The following TTC29 variants were observed in gnomAD, a reference collection of about 807,000 sequenced individuals.
The protein encoded by TTC29 is tetratricopeptide repeat domain 29, also known as tetratricopeptide repeat protein 29.
In TTC29, 49 loss-of-function variants were observed where a neutral mutation model predicts 58.1. The ratio of observed to expected loss-of-function variants is 0.84; its 90% confidence interval spans 0.67 to 1.07. The LOEUF is 1.07. TTC29 is among the 50% of genes least tolerant of loss of function. The pLI, the probability that TTC29 is intolerant of heterozygous loss-of-function variation, is 0.00. For synonymous variants in TTC29, 209 were observed against 196.8 expected, an observed-to-expected ratio of 1.06 and a Z score of -0.52; for missense variants, 582 against 555.6, an observed-to-expected ratio of 1.05 and a Z score of -0.48.
At chr4:146,734,144 A>G (rs1744544813) in intron 11 of TTC29, among the ~76,000 whole-genome samples, 1 of 152,182 alleles carries the variant, frequency 6.6e-6, no homozygotes, top group Non-Finnish European at 1.5e-5. Context: ...TTATTTCTAT[A>G]ATATGATTGA....
intron 9 of TTC29, among the ~76,000 whole-genome samples, chr4:146,821,967 C>T (rs2136364): frequency 2.1e-5 from 3 of 145,948 alleles, no homozygotes; most frequent in East Asian, 2.0e-4. Context: ...CACCTATCCT[C>T]GTAAGAACAT....
rs948634810 is a variant in TTC29, at chr4:146,796,960, T to G, written c.1330+6497A>C. ...CCCCAAAATACCCAGTATCAAAATA[T>G]ATCACCCACCCTTAGCCAGGTAAAG... is the stretch of plus-strand genomic sequence containing the variant. On this transcript the variant is annotated intron_variant, in intron 11 of 12. Transcript: ENST00000325106. Among the ~76,000 whole-genome samples, 41 of 152,128 alleles carry G rather than the reference T, an allele frequency of 2.7e-4. 1 individual carries two copies. Among genetic ancestry groups the G allele is most frequent in the African/African-American group, 9.9e-4 (41 of 41,492 alleles).
chr4:146,823,856 T>C (rs1345356260), intron 9 of TTC29, among the ~76,000 whole-genome samples: 2 of 152,214 alleles, frequency 1.3e-5, no homozygotes, highest in Non-Finnish European at 2.9e-5. Context: ...TTATTCTCTT[T>C]GTAGCAATTG....
chr4:146,931,851 C>T (rs904320309), intron 4 of TTC29, among the ~76,000 whole-genome samples: 5 of 151,992 alleles, frequency 3.3e-5, no homozygotes, highest in Non-Finnish European at 7.4e-5. Flanking sequence ...AATTTGAGAC[C>T]ATTTTTTTGT....
intron 10 of TTC29, among the ~76,000 whole-genome samples, chr4:146,812,117 C>T (rs1751065841): frequency 6.6e-6 from 1 of 151,876 alleles, no homozygotes; most frequent in Non-Finnish European, 1.5e-5. Context: ...ACAAATATTA[C>T]AAATATTGAA....
chr4:146,838,132 C>A (rs961212922), intron 8 of TTC29, among the ~76,000 whole-genome samples: 2 of 151,774 alleles, frequency 1.3e-5, no homozygotes, highest in Non-Finnish European at 1.5e-5. Context: ...ATCTTCTTAC[C>A]AAAATGAAAT....
chr4:146,827,677 T>A (rs1377882173), intron 9 of TTC29, among the ~76,000 whole-genome samples: 1 of 152,196 alleles, frequency 6.6e-6, no homozygotes, highest in Non-Finnish European at 1.5e-5. Context: ...CACAAGTGGC[T>A]GTGGGATTAA....
intron 11 of TTC29, among the ~76,000 whole-genome samples, chr4:146,727,500 A>G (rs909192134): frequency 1.3e-5 from 2 of 152,228 alleles, no homozygotes; most frequent in Non-Finnish European, 2.9e-5. Context: ...TGCTTTGCCA[A>G]TTAATCTTTC....
intron 11 of TTC29, among the ~76,000 whole-genome samples, chr4:146,710,243 ATTACTT>A (rs1742382845): frequency 1.3e-5 from 2 of 152,232 alleles, no homozygotes; most frequent in African/African-American, 4.8e-5. Context: ...ACTATAGCGT[ATTACTT>A]CTGGGCTATG....
chr4:146,729,703 C>T (rs144604029), intron 11 of TTC29, among the ~76,000 whole-genome samples: 215 of 152,102 alleles, frequency 1.4e-3, no homozygotes, highest in Non-Finnish European at 2.5e-3. Context: ...TTGGGGAGGC[C>T]TCAGGAAACT....
intron 11 of TTC29, among the ~76,000 whole-genome samples, chr4:146,737,560 T>C (rs1174199147): frequency 3.8e-5 from 5 of 131,878 alleles, no homozygotes; most frequent in African/African-American, 1.4e-4. Context: ...CCTGAACGCA[T>C]CTGGCAAGTG....
At position 146,831,707 on chromosome 4, in the gene TTC29, G is replaced by T. The variant is rs1224091363; in HGVS notation, c.977+2099C>A. 8.9e-6 allele frequency: 4 copies of T among 450,222 alleles called. No individual in the cohort carries two copies. The Admixed American group carries it at 9.4e-5, about 11-fold the overall frequency. The allele number at this position is 450,222 out of a possible 1,614,324, so 27.9% of individuals were successfully genotyped here. A position where few individuals can be genotyped will look rare whatever the true frequency, so the allele number is the denominator to read the frequency against. ...ACTTAGCCTTGACTGAATCGACCAG[G>T]AATTCAAATCCTGGGAAGGAGGCTA... is the stretch of plus-strand genomic sequence containing the variant. On this transcript the variant is annotated intron_variant, in intron 9 of 12. Transcript: ENST00000325106.
intron 8 of TTC29, among the ~76,000 whole-genome samples, chr4:146,854,850 C>T (rs1729736511): frequency 6.6e-6 from 1 of 152,176 alleles, no homozygotes; most frequent in Admixed American, 6.6e-5. Context: ...TAAATTCCTC[C>T]CTCGAAATGC....
intron 11 of TTC29, among the ~76,000 whole-genome samples, chr4:146,776,627 T>C (rs1169121533): frequency 6.6e-6 from 1 of 152,108 alleles, no homozygotes; most frequent in Admixed American, 6.5e-5. Flanking sequence ...CTCTGGCCCC[T>C]GGAGGTTAGG....
At chr4:146,794,954 T>C (rs1749737117) in intron 11 of TTC29, among the ~76,000 whole-genome samples, 1 of 152,162 alleles carries the variant, frequency 6.6e-6, no homozygotes, top group African/African-American at 2.4e-5. Flanking sequence ...TCTGATTTCA[T>C]ATTAGAGGTT....
At chr4:146,904,748 G>A (rs1026251041) in intron 5 of TTC29, among the ~76,000 whole-genome samples, 2 of 152,002 alleles carry the variant, frequency 1.3e-5, no homozygotes, top group African/African-American at 2.4e-5. Flanking sequence ...ACTACCAGAG[G>A]AGTCAACCCA....
intron 11 of TTC29, among the ~76,000 whole-genome samples, chr4:146,746,014 T>C (rs1007180561): frequency 6.6e-6 from 1 of 152,180 alleles, no homozygotes; most frequent in Non-Finnish European, 1.5e-5. Context: ...TATATTGCAA[T>C]TGGGAGGCAC....
At chr4:146,870,234 GA>G (rs2150214629) in intron 7 of TTC29, among the ~76,000 whole-genome samples, 1 of 151,972 alleles carries the variant, frequency 6.6e-6, no homozygotes, top group South Asian at 2.1e-4. Flanking sequence ...CACGTATGTG[GA>G]AATTAAAAAT....
At position 146,830,148 on chromosome 4, in the gene TTC29, T is replaced by C. The variant is rs77085704; in HGVS notation, c.977+3658A>G. Among the ~76,000 whole-genome samples the C allele has an allele frequency of 3.7e-3, 570 of 152,310 alleles. 7 individuals are homozygous for C. Among genetic ancestry groups the C allele is most frequent in the African/African-American group, 0.013 (526 of 41,572 alleles). ...TATTTTAGAGCATCAAATCTTTTCTTCACTATTATTCCAAGTAGGGGAAGA... is the reference window on the plus strand; with the variant it reads ...TATTTTAGAGCATCAAATCTTTTCTCCACTATTATTCCAAGTAGGGGAAGA... On this transcript the variant is annotated intron_variant, in intron 9 of 12. Transcript: ENST00000325106.
Sources: allele counts gnomAD v4.1 joint callset (sites outside exome capture counted in the v4.1 genomes callset), GRCh38; gene constraint gnomAD v4.1.1; transcripts MANE v1.5; gene names NCBI Gene and HGNC (gene_info 2026-07-23, HGNC 2026-07-21).